The following AGBL4 variants were observed in gnomAD, a reference collection of about 807,000 sequenced individuals.
AGBL4 encodes AGBL carboxypeptidase 4.
AGBL4 carries 58 observed loss-of-function variants against 66.4 expected under a neutral mutation model. That is an observed-to-expected ratio of 0.87 (90% CI 0.71 to 1.09). The LOEUF (loss-of-function observed/expected upper bound fraction) is 1.09. AGBL4 is among the 50% of genes least tolerant of loss of function. The pLI, the probability that AGBL4 is intolerant of heterozygous loss-of-function variation, is 0.00. For missense variants in AGBL4, 579 were observed against 631.0 expected (o/e 0.92, Z 0.88); for synonymous variants, 234 against 222.9 (o/e 1.05, Z -0.44).
At chr1:49,306,464 C>T (rs755544350) in intron 3 of AGBL4, among the ~76,000 whole-genome samples, 2 of 152,188 alleles carry the variant, frequency 1.3e-5, no homozygotes, top group Non-Finnish European at 2.9e-5. Flanking sequence ...TATTCTTTCT[C>T]TTCAATAAGG....
chr1:49,699,163 C>A (rs1410187349), intron 2 of AGBL4, among the ~76,000 whole-genome samples: 1 of 151,966 alleles, frequency 6.6e-6, no homozygotes, highest in Non-Finnish European at 1.5e-5. Context: ...AGGCACTATG[C>A]TTTGTGTTAT....
intron 2 of AGBL4, among the ~76,000 whole-genome samples, chr1:49,722,681 T>C (rs937521766): frequency 3.3e-5 from 5 of 152,182 alleles, no homozygotes; most frequent in African/African-American, 1.2e-4. Context: ...ATTGATTGAA[T>C]GGCAGTCAAA....
At chr1:49,862,456 C>A (rs980593256) in intron 1 of AGBL4, among the ~76,000 whole-genome samples, 1 of 151,502 alleles carries the variant, frequency 6.6e-6, no homozygotes, top group African/African-American at 2.4e-5. Flanking sequence ...GAGAAAGAAG[C>A]GGGGTTAGAA....
At chr1:49,434,957 T>C (rs1645870418) in intron 3 of AGBL4, among the ~76,000 whole-genome samples, 1 of 152,096 alleles carries the variant, frequency 6.6e-6, no homozygotes, top group Non-Finnish European at 1.5e-5. Flanking sequence ...TGCAATGACA[T>C]TGGCACAAGT....
chr1:49,306,038 C>T (rs1644843971), intron 3 of AGBL4, among the ~76,000 whole-genome samples: 2 of 152,144 alleles, frequency 1.3e-5, no homozygotes, highest in South Asian at 4.1e-4. Flanking sequence ...TCAGAATTCA[C>T]CTTTCTTGTC....
chr1:49,054,568 T>G (rs918507387), intron 4 of AGBL4, among the ~76,000 whole-genome samples: 2 of 151,994 alleles, frequency 1.3e-5, no homozygotes, highest in African/African-American at 2.4e-5. Context: ...TGGTTTGAGG[T>G]GTCTACATAA....
intron 3 of AGBL4, among the ~76,000 whole-genome samples, chr1:49,310,788 G>A (rs1359507325): frequency 6.6e-6 from 1 of 151,882 alleles, no homozygotes; most frequent in African/African-American, 2.4e-5. Flanking sequence ...CTTTCTATGT[G>A]TCAGGCATTA....
chr1:49,825,679 A>T (rs954207938), intron 2 of AGBL4, among the ~76,000 whole-genome samples: 3 of 152,198 alleles, frequency 2.0e-5, no homozygotes, highest in Admixed American at 2.0e-4. Context: ...GAAGACTTGA[A>T]TAGAACAAAA....
chr1:48,659,263 GC>G (rs1444589574), intron 7 of AGBL4, among the ~76,000 whole-genome samples: 3 of 152,094 alleles, frequency 2.0e-5, no homozygotes, highest in Non-Finnish European at 4.4e-5. Context: ...AGACATTGCT[GC>G]CCCCATTTTG....
chr1:48,619,806 G>C (rs886109075), intron 9 of AGBL4, among the ~76,000 whole-genome samples: 1 of 152,124 alleles, frequency 6.6e-6, no homozygotes, highest in Non-Finnish European at 1.5e-5. Context: ...GGGGGCTGCT[G>C]TGTACAGTGG....
intron 5 of AGBL4, among the ~76,000 whole-genome samples, chr1:48,869,871 A>G (rs1648477378): frequency 6.6e-6 from 1 of 152,116 alleles, no homozygotes; most frequent in African/African-American, 2.4e-5. Context: ...CTAGATGAGG[A>G]GCATCTTAAG....
chr1:49,358,680 C>G (rs1468257611), intron 3 of AGBL4, among the ~76,000 whole-genome samples: 1 of 152,104 alleles, frequency 6.6e-6, no homozygotes, highest in African/African-American at 2.4e-5. Flanking sequence ...TATACATAAG[C>G]AAGAACTGGT....
chr1:49,515,328 C>T (rs560133596), intron 3 of AGBL4, among the ~76,000 whole-genome samples: 13 of 152,128 alleles, frequency 8.5e-5, no homozygotes, highest in African/African-American at 2.9e-4. Flanking sequence ...CAAATCAAAA[C>T]CACAATGAGA....
At chr1:49,317,665 T>G (rs1321062966) in intron 3 of AGBL4, among the ~76,000 whole-genome samples, 1 of 151,748 alleles carries the variant, frequency 6.6e-6, no homozygotes, top group African/African-American at 2.4e-5. Flanking sequence ...AAAATCACTC[T>G]CCAAACAAAT....
intron 3 of AGBL4, among the ~76,000 whole-genome samples, chr1:49,430,149 G>A (rs1012416601): frequency 3.3e-5 from 5 of 152,106 alleles, no homozygotes; most frequent in Admixed American, 2.0e-4. Flanking sequence ...CACCATGCCC[G>A]GCCACATATA....
At chr1:49,134,680 T>C (rs926092478) in intron 4 of AGBL4, among the ~76,000 whole-genome samples, 4 of 151,852 alleles carry the variant, frequency 2.6e-5, no homozygotes, top group African/African-American at 9.7e-5. Flanking sequence ...TCCTGTTCTT[T>C]TTTGAAGGTG....
chr1:49,182,146 G>C (rs1030501050), intron 4 of AGBL4, among the ~76,000 whole-genome samples: 1 of 152,182 alleles, frequency 6.6e-6, no homozygotes, highest in African/African-American at 2.4e-5. Context: ...CCCTAAGTGA[G>C]ACAGGGGCAG....
chr1:49,558,675 A>G (rs1356760529), intron 3 of AGBL4, among the ~76,000 whole-genome samples: 4 of 152,002 alleles, frequency 2.6e-5, no homozygotes, highest in Non-Finnish European at 5.9e-5. Flanking sequence ...CTTGTACAGC[A>G]CCTCTGGACC....
chr1:49,468,046 A>T (rs2148708457), intron 3 of AGBL4, among the ~76,000 whole-genome samples: 1 of 151,956 alleles, frequency 6.6e-6, no homozygotes, highest in East Asian at 1.9e-4. Context: ...AAAATTAGGC[A>T]AAATCTTATC....
Sources: gnomAD v4.1 joint callset for allele counts (sites outside exome capture counted in the v4.1 genomes callset) on GRCh38, gnomAD v4.1.1 for gene constraint, MANE v1.5 for transcripts, NCBI Gene and HGNC (gene_info 2026-07-23, HGNC 2026-07-21) for gene names.